Variants in NRXN3 observed in about 807,000 individuals in gnomAD.
NRXN3 encodes the protein neurexin 3.
Under a neutral mutation model 137.6 loss-of-function variants are expected in NRXN3, and 32 were observed. The observed-to-expected ratio is 0.23, with a 90% CI of 0.18 to 0.31. The LOEUF is 0.31. Among genes scored for constraint, NRXN3 ranks in the 10% least tolerant of loss-of-function variants. The pLI, the probability that NRXN3 is intolerant of heterozygous loss-of-function variation, is 1.00. For missense variants in NRXN3, 1,574 were observed against 2,062.5 expected (o/e 0.76, Z 4.59); for synonymous variants, 798 against 784.5 (o/e 1.02, Z -0.29).
chr14:78,882,050 GC>G (rs1193667603), intron 10 of NRXN3, among the ~76,000 whole-genome samples: 6 of 151,766 alleles, frequency 4.0e-5, no homozygotes, highest in Non-Finnish European at 8.8e-5. Context: ...AAAGGTGTAA[GC>G]CCCCATTCTT....
intron 15 of NRXN3, among the ~76,000 whole-genome samples, chr14:79,239,935 T>C (rs1272433228): frequency 6.6e-6 from 1 of 152,172 alleles, no homozygotes. Flanking sequence ...CAGCATAGTT[T>C]CACTTATGTG....
At chr14:79,387,668 A>G (rs1318573483) in intron 15 of NRXN3, among the ~76,000 whole-genome samples, 2 of 151,634 alleles carry the variant, frequency 1.3e-5, no homozygotes, top group Non-Finnish European at 2.9e-5. Flanking sequence ...ATTTTATTGC[A>G]GCACTATTCA....
At chr14:79,760,122 A>C (rs527893875) in intron 19 of NRXN3, among the ~76,000 whole-genome samples, 2 of 151,758 alleles carry the variant, frequency 1.3e-5, no homozygotes, top group East Asian at 3.9e-4. Context: ...TCAGCACATA[A>C]AATACACTTG....
At chr14:78,444,903 G>A (rs1300898439) in intron 4 of NRXN3, among the ~76,000 whole-genome samples, 2 of 74,444 alleles carry the variant, frequency 2.7e-5, no homozygotes, top group Non-Finnish European at 4.7e-5. Flanking sequence ...TGGGCAATAA[G>A]GGCAAAACTC....
chr14:78,744,615 G>A (rs2152934737), intron 8 of NRXN3: 1 of 152,256 alleles, frequency 6.6e-6, no homozygotes, highest in South Asian at 2.1e-4. Flanking sequence ...AGGAGGTTGT[G>A]ACTTTTCTAA....
intron 15 of NRXN3, among the ~76,000 whole-genome samples, chr14:79,340,830 G>A (rs1332200764): frequency 6.6e-6 from 1 of 152,136 alleles, no homozygotes; most frequent in Non-Finnish European, 1.5e-5. Flanking sequence ...AGCCAGAGAG[G>A]ATTCTAGTAT....
chr14:78,493,685 T>C (rs1375170201), intron 4 of NRXN3, among the ~76,000 whole-genome samples: 3 of 152,122 alleles, frequency 2.0e-5, no homozygotes, highest in Non-Finnish European at 2.9e-5. Flanking sequence ...TAGGGGATAC[T>C]AGCTTGGAAG....
chr14:79,324,116 A>G (rs1370792702), intron 15 of NRXN3, among the ~76,000 whole-genome samples: 1 of 152,186 alleles, frequency 6.6e-6, no homozygotes, highest in Non-Finnish European at 1.5e-5. Flanking sequence ...CCCTTGCCTA[A>G]TTTGCTTCTT....
At chr14:79,154,791 G>A (rs1307054562) in intron 15 of NRXN3, among the ~76,000 whole-genome samples, 2 of 151,888 alleles carry the variant, frequency 1.3e-5, no homozygotes, top group Non-Finnish European at 2.9e-5. Context: ...CTACTTGATA[G>A]TCTTATGACT....
At chr14:78,949,800 C>T (rs2152941773) in intron 10 of NRXN3, among the ~76,000 whole-genome samples, 1 of 152,106 alleles carries the variant, frequency 6.6e-6, no homozygotes, top group South Asian at 2.1e-4. Flanking sequence ...CTATTTAAAG[C>T]AAAATATTAA....
intron 10 of NRXN3, among the ~76,000 whole-genome samples, chr14:78,947,383 CTT>C (rs2099367618): frequency 6.6e-6 from 1 of 152,320 alleles, no homozygotes; most frequent in Admixed American, 6.5e-5. Context: ...TCCCAGAACT[CTT>C]TGTCTTGGGA....
chr14:78,824,176 A>G (rs1030761434), intron 10 of NRXN3, among the ~76,000 whole-genome samples: 11 of 149,126 alleles, frequency 7.4e-5, no homozygotes, highest in Non-Finnish European at 1.6e-4. Flanking sequence ...TTAAAGGTGA[A>G]TAAGGAAGGG....
intron 2 of NRXN3, among the ~76,000 whole-genome samples, chr14:78,273,504 G>A (rs1024489967): frequency 1.3e-5 from 2 of 152,112 alleles, no homozygotes; most frequent in Admixed American, 6.5e-5. Flanking sequence ...CAGAAGGGAC[G>A]CAGCTGCAGG....
chr14:78,482,243 G>T (rs1477216529), intron 4 of NRXN3, among the ~76,000 whole-genome samples: 1 of 152,136 alleles, frequency 6.6e-6, no homozygotes, highest in East Asian at 1.9e-4. Context: ...GGAAACGGAG[G>T]CTATTCAAAG....
intron 20 of NRXN3, among the ~76,000 whole-genome samples, chr14:79,843,522 A>G (rs914517630): frequency 1.3e-5 from 2 of 152,160 alleles, no homozygotes; most frequent in African/African-American, 4.8e-5. Flanking sequence ...ATCACAAAAG[A>G]TTTCTCTGTA....
chr14:79,537,912 T>G (rs1399730370), intron 16 of NRXN3, among the ~76,000 whole-genome samples: 5 of 152,198 alleles, frequency 3.3e-5, no homozygotes, highest in Non-Finnish European at 5.9e-5. Context: ...CCACCAACAG[T>G]GTCAAAGTGT....
chr14:79,106,060 G>A (rs1333621319), intron 15 of NRXN3, among the ~76,000 whole-genome samples: 2 of 152,032 alleles, frequency 1.3e-5, no homozygotes, highest in Non-Finnish European at 2.9e-5. Flanking sequence ...ACTGCAGAGA[G>A]ACTGTTCTCT....
At chr14:79,096,232 C>T (rs12893596) in intron 15 of NRXN3, among the ~76,000 whole-genome samples, 65,694 of 151,636 alleles carry the variant, frequency 0.43, 17,469 homozygotes, top group Non-Finnish European at 0.58. Flanking sequence ...CTCAGCCTCC[C>T]GAGTAGCTGG....
intron 4 of NRXN3, among the ~76,000 whole-genome samples, chr14:78,406,346 A>G (rs932211699): frequency 6.6e-6 from 1 of 151,590 alleles, no homozygotes; most frequent in East Asian, 1.9e-4. Flanking sequence ...TCTGGACCCT[A>G]CCCCCCCGGA....
Sources: allele counts gnomAD v4.1 joint callset (sites outside exome capture counted in the v4.1 genomes callset), GRCh38; gene constraint gnomAD v4.1.1; transcripts MANE v1.5; gene names NCBI Gene and HGNC (gene_info 2026-07-23, HGNC 2026-07-21).